The following GPC6 variants were observed in gnomAD, a reference collection of about 807,000 sequenced individuals.
GPC6 encodes the protein glypican-6.
Under a neutral mutation model 55.2 loss-of-function variants are expected in GPC6, and 14 were observed. The ratio of observed to expected loss-of-function variants is 0.25; its 90% CI spans 0.17 to 0.40. The LOEUF is 0.40. Ranked by LOEUF, GPC6 falls within the 10% of genes least tolerant of loss-of-function variation. The probability of loss-of-function intolerance (pLI) is 1.00; values close to 1 mark genes in which losing one functional copy is unlikely to be tolerated. For missense variants in GPC6, 641 were observed against 708.5 expected (o/e 0.90, Z 1.08); for synonymous variants, 278 against 259.6 (o/e 1.07, Z -0.68).
At chr13:93,644,766 G>GTAAATAAA (rs58920250) in intron 2 of GPC6, among the ~76,000 whole-genome samples, 121 of 143,260 alleles carry the variant, frequency 8.4e-4, no homozygotes, top group Non-Finnish European at 1.2e-3. Flanking sequence ...GCCATCAAGA[G>GTAAATAAA]TAAATAAATA....
chr13:93,721,407 T>A (rs1883450649), intron 2 of GPC6, among the ~76,000 whole-genome samples: 1 of 151,772 alleles, frequency 6.6e-6, no homozygotes, highest in Admixed American at 6.6e-5. Context: ...CTGATTAAAG[T>A]AAAACTAAGA....
intron 2 of GPC6, among the ~76,000 whole-genome samples, chr13:93,731,485 C>T (rs1164639533): frequency 1.3e-5 from 2 of 152,176 alleles, no homozygotes; most frequent in African/African-American, 2.4e-5. Flanking sequence ...CTATCTCCTT[C>T]ACAAACCCAC....
intron 1 of GPC6, among the ~76,000 whole-genome samples, chr13:93,506,347 T>C (rs776811588): frequency 2.6e-4 from 40 of 152,228 alleles, no homozygotes; most frequent in Non-Finnish European, 4.9e-4. Flanking sequence ...CATTTTATCT[T>C]GGGAAATGTT....
upstream of GPC6, among the ~76,000 whole-genome samples, chr13:93,222,510 G>A (rs2138989387): frequency 6.6e-6 from 1 of 152,210 alleles, no homozygotes. Context: ...CATCCACCCA[G>A]TTTACTATAC....
At chr13:93,645,814 G>A (rs1475162388) in intron 2 of GPC6, among the ~76,000 whole-genome samples, 1 of 152,108 alleles carries the variant, frequency 6.6e-6, no homozygotes, top group Non-Finnish European at 1.5e-5. Context: ...GGCAACAGGA[G>A]ATATGTCTTA....
intron 3 of GPC6, among the ~76,000 whole-genome samples, chr13:93,923,827 T>C (rs1877702415): frequency 6.6e-6 from 1 of 152,214 alleles, no homozygotes; most frequent in African/African-American, 2.4e-5. Flanking sequence ...TTATTTAAAC[T>C]CAGCTCCCTT....
At chr13:93,537,814 T>TA (rs1882120044) in intron 1 of GPC6, among the ~76,000 whole-genome samples, 1 of 152,180 alleles carries the variant, frequency 6.6e-6, no homozygotes, top group African/African-American at 2.4e-5. Context: ...ACATAGTTAG[T>TA]AAGTGGTAAG....
chr13:93,867,302 G>A (rs72644428), intron 3 of GPC6, among the ~76,000 whole-genome samples: 7,665 of 151,722 alleles, frequency 0.051, 286 homozygotes, highest in Non-Finnish European at 0.07. Flanking sequence ...TTCCTTTGAC[G>A]TCTCTCTAAC....
chr13:93,545,148 A>G, intron 1 of GPC6, 115 bp from the exon 2 acceptor site: 1 of 840,808 alleles, frequency 1.2e-6, no homozygotes. Context: ...GGATGGCTGG[A>G]GAAGTAGATG....
At position 93,511,552 on chromosome 13, in the gene GPC6, A is replaced by G. The variant is rs76415122; in HGVS notation, c.161-33711A>G. On this transcript the variant is annotated intron_variant, in intron 1 of 8. Coordinates refer to ENST00000377047, the MANE Select transcript of GPC6 (RefSeq NM_005708.5). The stretch of plus-strand genomic sequence containing the variant: ...TGGTCTGTGTATCTACTTTTTTCCA[A>G]TACTGTGGTGTCTTGGCTACTTTAG... 4.6e-5 allele frequency among the ~76,000 whole-genome samples: 7 copies of G among 151,912 alleles called. No homozygotes were observed. The East Asian group carries it at 9.7e-4, about 21-fold the overall frequency.
chr13:93,595,598 A>C (rs774340593), intron 2 of GPC6, among the ~76,000 whole-genome samples: 6 of 152,316 alleles, frequency 3.9e-5, no homozygotes, highest in South Asian at 2.1e-4. Flanking sequence ...CCAGTGTATA[A>C]AAGAATGTAT....
Position 93,609,049 on chromosome 13 carries a change from G to A in GPC6, c.319+63628G>A, listed in dbSNP as rs151153885. On this transcript the variant is annotated intron_variant, in intron 2 of 8. Transcript: ENST00000377047. ...AAGCTCTTAAGCAACAAACTAAAGCGTAATCCTAGATTTCTCCCATTTACT... is the reference window on the plus strand; with the variant it reads ...AAGCTCTTAAGCAACAAACTAAAGCATAATCCTAGATTTCTCCCATTTACT... Among the ~76,000 whole-genome samples, 778 of 152,246 alleles carry A rather than the reference G, an allele frequency of 5.1e-3. 3 individuals carry two copies. The highest frequency in any genetic ancestry group is 0.01 in the South Asian group (50 of 4,828).
intron 4 of GPC6, among the ~76,000 whole-genome samples, chr13:94,237,951 G>T (rs770551041): frequency 3.3e-5 from 5 of 152,114 alleles, no homozygotes; most frequent in Non-Finnish European, 5.9e-5. Context: ...ATGCTGGCTC[G>T]AACTAAGGAG....
At chr13:93,338,626 C>A (rs1477763081) in intron 1 of GPC6, among the ~76,000 whole-genome samples, 3 of 152,076 alleles carry the variant, frequency 2.0e-5, no homozygotes, top group Admixed American at 1.3e-4. Context: ...TTAATTAGGG[C>A]CCTTTAACAT....
chr13:94,109,722 T>C (rs370298268), intron 4 of GPC6, among the ~76,000 whole-genome samples: 1 of 152,148 alleles, frequency 6.6e-6, no homozygotes, highest in African/African-American at 2.4e-5. Flanking sequence ...ATAATTCTAA[T>C]AGAATGATTT....
intron 1 of GPC6, among the ~76,000 whole-genome samples, chr13:93,301,596 A>G (rs777436981): frequency 6.6e-6 from 1 of 152,210 alleles, no homozygotes; most frequent in Non-Finnish European, 1.5e-5. Flanking sequence ...TGCTCCTTCT[A>G]TAGTCTTGAA....
chr13:93,697,757 A>T (rs1472924954), intron 2 of GPC6, among the ~76,000 whole-genome samples: 1 of 152,196 alleles, frequency 6.6e-6, no homozygotes, highest in Non-Finnish European at 1.5e-5. Context: ...TCATACGTTG[A>T]TTAGATCATA....
At chr13:93,512,013 AT>A (rs1488448586) in intron 1 of GPC6, among the ~76,000 whole-genome samples, 4 of 152,026 alleles carry the variant, frequency 2.6e-5, no homozygotes, top group Non-Finnish European at 5.9e-5. Flanking sequence ...AATGCTACAA[AT>A]TTTTGTACAT....
At chr13:93,715,224 C>T (rs907703242) in intron 2 of GPC6, among the ~76,000 whole-genome samples, 6 of 151,606 alleles carry the variant, frequency 4.0e-5, no homozygotes, top group African/African-American at 7.2e-5. Context: ...TGCCCATCAA[C>T]GGTAGACTGG....
Sources: allele counts gnomAD v4.1 joint callset (sites outside exome capture counted in the v4.1 genomes callset), GRCh38; gene constraint gnomAD v4.1.1; transcripts MANE v1.5; gene names NCBI Gene and HGNC (gene_info 2026-07-23, HGNC 2026-07-21).